Variants in AGBL4 observed in about 807,000 individuals in gnomAD.
The protein encoded by AGBL4 is cytosolic carboxypeptidase 6.
A neutral mutation model predicts 66.4 loss-of-function variants in AGBL4; 58 were observed. The observed-to-expected ratio is 0.87, with a 90% confidence interval of 0.71 to 1.09. The LOEUF (loss-of-function observed/expected upper bound fraction) is 1.09. Ranked by LOEUF, AGBL4 falls within the 50% of genes least tolerant of loss-of-function variation. The probability of loss-of-function intolerance (pLI) is 0.00; values close to 1 mark genes in which losing one functional copy is unlikely to be tolerated. For missense variants in AGBL4, 579 were observed against 631.0 expected (o/e 0.92, Z 0.88); for synonymous variants, 234 against 222.9 (o/e 1.05, Z -0.44).
At chr1:49,865,649 A>G (rs1646681789) in intron 1 of AGBL4, among the ~76,000 whole-genome samples, 1 of 152,206 alleles carries the variant, frequency 6.6e-6, no homozygotes, top group Admixed American at 6.5e-5. Flanking sequence ...AAGATGAGAA[A>G]GAATCAATGA....
chr1:49,243,626 T>C (rs768999062), intron 4 of AGBL4, among the ~76,000 whole-genome samples: 3 of 151,800 alleles, frequency 2.0e-5, no homozygotes, highest in Non-Finnish European at 3.0e-5. Flanking sequence ...AGATCTTTTA[T>C]AGCATATTCA....
At chr1:48,983,835 G>T (rs897020672) in intron 5 of AGBL4, among the ~76,000 whole-genome samples, 2 of 152,096 alleles carry the variant, frequency 1.3e-5, no homozygotes, top group African/African-American at 4.8e-5. Context: ...TGATTGAAAA[G>T]ATATCAAGGG....
chr1:49,799,779 A>G (rs1644815880), intron 2 of AGBL4, among the ~76,000 whole-genome samples: 1 of 152,156 alleles, frequency 6.6e-6, no homozygotes. Context: ...TCAGGCGAGT[A>G]GTTGTGATCA....
chr1:48,737,999 GGTC>G (rs1440240890), intron 6 of AGBL4, among the ~76,000 whole-genome samples: 1 of 152,120 alleles, frequency 6.6e-6, no homozygotes, highest in Non-Finnish European at 1.5e-5. Context: ...TCTCTGGAGA[GGTC>G]CCTGGTCTAA....
chr1:49,678,546 T>A (rs1262977733), intron 3 of AGBL4, among the ~76,000 whole-genome samples: 1 of 152,144 alleles, frequency 6.6e-6, no homozygotes, highest in East Asian at 1.9e-4. Flanking sequence ...AGGAAGGAGC[T>A]TAGATTGCTG....
chr1:48,648,437 C>T (rs1285511171), intron 8 of AGBL4, among the ~76,000 whole-genome samples: 1 of 152,198 alleles, frequency 6.6e-6, no homozygotes, highest in Non-Finnish European at 1.5e-5. Flanking sequence ...TGGAAGGTGC[C>T]TTTCATCCCA....
intron 1 of AGBL4, among the ~76,000 whole-genome samples, chr1:49,945,012 G>T (rs1571926395): frequency 6.6e-6 from 1 of 151,886 alleles, no homozygotes; most frequent in East Asian, 1.9e-4. Context: ...TCCAACAAAG[G>T]CAAAGAAACA....
chr1:49,050,244 A>G (rs1428210820), intron 4 of AGBL4, among the ~76,000 whole-genome samples: 1 of 152,068 alleles, frequency 6.6e-6, no homozygotes, highest in Non-Finnish European at 1.5e-5. Context: ...TCAGTCATGC[A>G]TGACTGAATG....
At chr1:49,045,414 T>C (rs576209169) in intron 5 of AGBL4, among the ~76,000 whole-genome samples, 170 bp downstream of exon 5, 1 of 152,176 alleles carries the variant, frequency 6.6e-6, no homozygotes, top group Admixed American at 6.5e-5. Flanking sequence ...CTTTAAAGAA[T>C]TGTTAAATTA....
At chr1:48,811,499 A>G (rs1237670827) in intron 6 of AGBL4, among the ~76,000 whole-genome samples, 3 of 152,190 alleles carry the variant, frequency 2.0e-5, no homozygotes, top group Admixed American at 6.5e-5. Context: ...TCTGATAATT[A>G]GGGTCTAAGA....
chr1:49,384,949 G>A (rs921406753), intron 3 of AGBL4, among the ~76,000 whole-genome samples: 13 of 152,204 alleles, frequency 8.5e-5, no homozygotes, highest in Admixed American at 3.9e-4. Context: ...ACATGCACAA[G>A]CAAACTAAAT....
chr1:48,995,016 T>C (rs1660893993), intron 5 of AGBL4, among the ~76,000 whole-genome samples: 1 of 152,200 alleles, frequency 6.6e-6, no homozygotes, highest in African/African-American at 2.4e-5. Flanking sequence ...AATCACGAAA[T>C]TTGTTTATTT....
chr1:48,921,113 C>T lies in AGBL4; in HGVS notation c.595-53883G>A, dbSNP rs1557462903. Among the ~76,000 whole-genome samples the T allele has an allele frequency of 2.0e-5, 3 of 152,216 alleles. No individual in the cohort carries two copies. In the East Asian group the frequency reaches 5.8e-4, roughly 29 times the overall value. Reference sequence around the variant, plus strand: ...CAGTGCATCAGCAGGCCCGAGTCATCAATTTACAGCGAGATGACAGAGGGA... The same window carrying T: ...CAGTGCATCAGCAGGCCCGAGTCATTAATTTACAGCGAGATGACAGAGGGA... On this transcript the variant is annotated intron_variant, in intron 5 of 13. Transcript: ENST00000371839.
chr1:49,859,875 A>G (rs549231264), intron 1 of AGBL4, among the ~76,000 whole-genome samples: 1 of 152,278 alleles, frequency 6.6e-6, no homozygotes, highest in East Asian at 1.9e-4. Context: ...ACTAGAATAA[A>G]TAAGCTCAGA....
intron 11 of AGBL4, chr1:48,586,072 A>G (rs1644814542): frequency 6.6e-6 from 1 of 152,254 alleles, no homozygotes; most frequent in African/African-American, 2.4e-5. Context: ...GACATAGATC[A>G]ACCCGAAAAC....
At chr1:49,472,085 G>A (rs1226298182) in intron 3 of AGBL4, 1 of 152,008 alleles carries the variant, frequency 6.6e-6, no homozygotes, top group Non-Finnish European at 1.5e-5. Context: ...CCAGAACCCT[G>A]CCCAGCAGTA....
At chr1:49,237,475 A>AT (rs1352274737) in intron 4 of AGBL4, among the ~76,000 whole-genome samples, 8 of 123,424 alleles carry the variant, frequency 6.5e-5, no homozygotes, top group African/African-American at 2.4e-4. Context: ...AAAACAGACT[A>AT]ATAGAGTCAC....
chr1:49,737,641 C>T (rs950255123), intron 2 of AGBL4, among the ~76,000 whole-genome samples: 7 of 151,958 alleles, frequency 4.6e-5, no homozygotes, highest in South Asian at 2.1e-4. Flanking sequence ...TACAATATTC[C>T]CAGATAACAA....
At chr1:49,377,845 A>G (rs1480141568) in intron 3 of AGBL4, among the ~76,000 whole-genome samples, 3 of 152,130 alleles carry the variant, frequency 2.0e-5, no homozygotes, top group Non-Finnish European at 2.9e-5. Flanking sequence ...CCAGAGGGAT[A>G]TAGTATTCTC....
Sources: gnomAD v4.1 joint callset for allele counts (sites outside exome capture counted in the v4.1 genomes callset) on GRCh38, gnomAD v4.1.1 for gene constraint, MANE v1.5 for transcripts, NCBI Gene and HGNC (gene_info 2026-07-23, HGNC 2026-07-21) for gene names.